Variants in ARHGAP10 observed in about 807,000 individuals in gnomAD.
ARHGAP10 encodes Rho GTPase activating protein 10.
A neutral mutation model predicts 108.6 loss-of-function variants in ARHGAP10; 87 were observed. The ratio of observed to expected loss-of-function variants is 0.80; its 90% CI spans 0.67 to 0.96. ARHGAP10 has a LOEUF of 0.96. ARHGAP10 is among the 40% of genes least tolerant of loss of function. ARHGAP10 has a pLI of 0.00. For missense variants in ARHGAP10, 939 were observed against 954.5 expected, an observed-to-expected ratio of 0.98 and a Z score of 0.21; for synonymous variants, 347 against 341.1, an observed-to-expected ratio of 1.02 and a Z score of -0.19.
intron 18 of ARHGAP10, among the ~76,000 whole-genome samples, chr4:147,996,896 A>G (rs1170764097): frequency 6.6e-6 from 1 of 152,134 alleles, no homozygotes; most frequent in Non-Finnish European, 1.5e-5. Context: ...CAAGCCAGGG[A>G]GGGAGGCCTC....
intron 17 of ARHGAP10, 35 bp downstream of exon 17, chr4:147,965,164 C>T: frequency 6.5e-7 from 1 of 1,546,310 alleles, no homozygotes. Flanking sequence ...ACTTTCTTCA[C>T]TTTGCTCTAG....
chr4:147,767,188 C>G (rs902217577), intron 1 of ARHGAP10, among the ~76,000 whole-genome samples: 9 of 152,100 alleles, frequency 5.9e-5, no homozygotes, highest in African/African-American at 2.2e-4. Flanking sequence ...GCAAAGAAAT[C>G]TGTTCAGCTT....
chr4:147,898,164 A>G (rs1046547986), intron 10 of ARHGAP10, among the ~76,000 whole-genome samples: 25 of 129,884 alleles, frequency 1.9e-4, no homozygotes, highest in African/African-American at 6.6e-4. Flanking sequence ...CATTTCTTTT[A>G]AGTTCCTTAG....
intron 20 of ARHGAP10, among the ~76,000 whole-genome samples, chr4:148,055,415 G>T (rs13149770): frequency 0.49 from 74,484 of 151,966 alleles, 21,362 homozygotes; most frequent in East Asian, 0.83. Flanking sequence ...TCAGCTGGGC[G>T]CGGTGGCATA....
At chr4:147,946,099 A>T (rs553466940) in intron 14 of ARHGAP10, 1 of 152,540 alleles carries the variant, frequency 6.6e-6, no homozygotes, top group Non-Finnish European at 1.5e-5. Flanking sequence ...TACCGTGGGC[A>T]TGTATAGGCA....
chr4:147,765,544 A>C (rs1438586885), intron 1 of ARHGAP10, among the ~76,000 whole-genome samples: 1 of 152,076 alleles, frequency 6.6e-6, no homozygotes, highest in African/African-American at 2.4e-5. Flanking sequence ...TCATGCCTGT[A>C]ATCACAGCAC....
intron 10 of ARHGAP10, among the ~76,000 whole-genome samples, chr4:147,883,623 G>A (rs1368810761): frequency 6.6e-6 from 1 of 152,192 alleles, no homozygotes; most frequent in Non-Finnish European, 1.5e-5. Context: ...CACGTAGCTA[G>A]TGGGTAGTTG....
intron 1 of ARHGAP10, among the ~76,000 whole-genome samples, chr4:147,792,403 A>G (rs1731156881): frequency 6.6e-6 from 1 of 152,174 alleles, no homozygotes; most frequent in Non-Finnish European, 1.5e-5. Context: ...ACAGGGACTC[A>G]GGTTCAGAGA....
At chr4:147,994,564 A>T (rs570237227) in intron 18 of ARHGAP10, among the ~76,000 whole-genome samples, 1 of 152,262 alleles carries the variant, frequency 6.6e-6, no homozygotes, top group Non-Finnish European at 1.5e-5. Flanking sequence ...TCATATAAAG[A>T]AACAGTTGAC....
At chr4:147,740,556 T>C (rs1390515749) in intron 1 of ARHGAP10, among the ~76,000 whole-genome samples, 1 of 152,202 alleles carries the variant, frequency 6.6e-6, no homozygotes, top group Non-Finnish European at 1.5e-5. Flanking sequence ...TTAAGACCCC[T>C]CTGGGGCCAT....
intron 1 of ARHGAP10, among the ~76,000 whole-genome samples, chr4:147,770,955 G>A (rs1405986890): frequency 6.6e-6 from 1 of 152,108 alleles, no homozygotes; most frequent in Non-Finnish European, 1.5e-5. Flanking sequence ...CTTGTCACAT[G>A]GTCTTACCTC....
chr4:147,951,316 C>G (rs975190794), intron 15 of ARHGAP10, among the ~76,000 whole-genome samples: 10 of 151,648 alleles, frequency 6.6e-5, no homozygotes, highest in Non-Finnish European at 1.5e-4. Context: ...TTGTTACCTC[C>G]TGCTTGTCTA....
At chr4:147,837,204 C>G (rs1229152111) in intron 3 of ARHGAP10, among the ~76,000 whole-genome samples, 1 of 151,746 alleles carries the variant, frequency 6.6e-6, no homozygotes, top group African/African-American at 2.4e-5. Flanking sequence ...GAAAGAGGTA[C>G]CAAAGGGTGA....
chr4:148,002,110 G>A (rs1740746211), intron 18 of ARHGAP10, among the ~76,000 whole-genome samples: 2 of 152,172 alleles, frequency 1.3e-5, no homozygotes, highest in African/African-American at 4.8e-5. Flanking sequence ...TTTATTGAGA[G>A]TTTTTAGCAT....
intron 20 of ARHGAP10, among the ~76,000 whole-genome samples, chr4:148,058,474 T>C (rs1465466438): frequency 2.0e-5 from 3 of 152,248 alleles, no homozygotes; most frequent in South Asian, 4.1e-4. Flanking sequence ...GGCTTGTATC[T>C]CTAGTGCTGC....
chr4:147,981,068 G>T (rs1161475275), intron 18 of ARHGAP10, among the ~76,000 whole-genome samples: 1 of 151,990 alleles, frequency 6.6e-6, no homozygotes, highest in Non-Finnish European at 1.5e-5. Context: ...GTTTCATTTA[G>T]TTCTGCTCTG....
At chr4:147,875,000 G>A (rs771271335) in intron 7 of ARHGAP10, 21 bp from the exon 8 acceptor site, 8 of 1,557,626 alleles carry the variant, frequency 5.1e-6, no homozygotes, top group Non-Finnish European at 6.9e-6. Flanking sequence ...ACATTTATGT[G>A]TGTTTTTTAA....
At chr4:147,911,492 A>G (rs1381288215) in intron 12 of ARHGAP10, among the ~76,000 whole-genome samples, 1 of 152,182 alleles carries the variant, frequency 6.6e-6, no homozygotes, top group African/African-American at 2.4e-5. Flanking sequence ...CCTCCCGAGT[A>G]ACTGGGACTA....
intron 7 of ARHGAP10, among the ~76,000 whole-genome samples, chr4:147,874,035 AC>A (rs199543274): frequency 4.3e-3 from 654 of 151,676 alleles, no homozygotes; most frequent in Middle Eastern, 0.01. Flanking sequence ...TTAAAAAAAA[AC>A]AACAAACCTC....
Sources: gnomAD v4.1 joint callset for allele counts (sites outside exome capture counted in the v4.1 genomes callset) on GRCh38, gnomAD v4.1.1 for gene constraint, MANE v1.5 for transcripts, NCBI Gene and HGNC (gene_info 2026-07-23, HGNC 2026-07-21) for gene names.